Variants in CCAR2 observed in about 807,000 individuals in gnomAD.
CCAR2 encodes the protein cell cycle and apoptosis regulator 2.
Under a neutral mutation model 108.1 loss-of-function variants are expected in CCAR2, and 21 were observed. That is an observed-to-expected ratio of 0.19 (90% CI 0.14 to 0.28). The LOEUF is 0.28. CCAR2 is among the 10% of genes least tolerant of loss of function. CCAR2 has a pLI of 1.00. For synonymous variants in CCAR2, 577 were observed against 472.8 expected (o/e 1.22, Z -2.86); for missense variants, 1,126 against 1,177.0 (o/e 0.96, Z 0.63).
intron 7 of CCAR2, among the ~76,000 whole-genome samples, chr8:22,610,474 G>A (rs960653560): frequency 3.3e-5 from 5 of 152,226 alleles, no homozygotes; most frequent in East Asian, 1.9e-4. Flanking sequence ...TACAGGAAGC[G>A]GAGGAAAGTG....
chr8:22,615,066 G>T, intron 11 of CCAR2, 65 bp downstream of exon 11: 1 of 1,468,912 alleles, frequency 6.8e-7, no homozygotes, highest in Non-Finnish European at 9.0e-7. Context: ...TGTTGGGAAG[G>T]CCCGGTCCCT....
In CCAR2 at chr8:22,616,218, G is replaced by C; in HGVS notation, c.1815G>C (p.Glu605Asp). Residue 605 changes from glutamate to aspartate, a missense_variant, in exon 14 of 21, where the codon GAG becomes GAC. Physicochemically the swap from Glu to Asp is conservative, Grantham distance 45. Coordinates refer to ENST00000308511, the MANE Select transcript of CCAR2 (RefSeq NM_001393997.1). ...VKEPKDEAQN[E>D]GPATESEAPL... ...AGCCCAAGGATGAGGCACAGAATGA[G>C]GGCCCGGCTACAGAGTCAGAGGCCC... The C allele has an allele frequency of 6.2e-7, 1 of 1,613,302 alleles. No homozygotes were observed. The highest frequency in any genetic ancestry group is 8.5e-7 in the Non-Finnish European group (1 of 1,180,010).
chr8:22,606,297 C>A, intron 3 of CCAR2, 121 bp downstream of exon 3: 1 of 908,516 alleles, frequency 1.1e-6, no homozygotes, highest in Non-Finnish European at 1.8e-6. Flanking sequence ...TGGTAGTGGG[C>A]TAGTATGGGG....
chr8:22,617,138 C>T (rs1801553641), intron 14 of CCAR2, among the ~76,000 whole-genome samples: 1 of 151,790 alleles, frequency 6.6e-6, no homozygotes. Context: ...GTGTGAGCCA[C>T]CATGGCCAGC....
chr8:22,615,486 G>A lies in CCAR2; in HGVS notation c.1267G>A (p.Val423Met), dbSNP rs755104363. Reference sequence around the variant, plus strand: ...ACCCCCCCGGCGGCTTCAGACAGTGGTGGTGTACCTGCCGGATGTCTGGAC... The same window carrying A: ...ACCCCCCCGGCGGCTTCAGACAGTGATGGTGTACCTGCCGGATGTCTGGAC... ...PGPPRRLQTV[V>M]VYLPDVWTIM... The change falls in exon 12 of 21, where the codon GTG becomes ATG. Residue 423 changes from valine to methionine, a missense_variant. Physicochemically the swap from Val to Met is conservative, Grantham distance 21 (BLOSUM62 1). Around this residue, in one of 4 missense-constraint regions of CCAR2, gnomAD observed 1,013 missense variants for 993.9 expected, o/e 1.02. Coordinates refer to ENST00000308511, the MANE Select transcript of CCAR2 (RefSeq NM_001393997.1). 3.7e-6 allele frequency: 6 copies of A among 1,613,888 alleles called. No homozygotes were observed. Among genetic ancestry groups the A allele is most frequent in the South Asian group, 1.1e-5 (1 of 91,090 alleles).
rs1402016829 is a variant in CCAR2, at chr8:22,613,127, C to CT, written c.696dup (p.Val233CysfsTer7). On this transcript the variant is annotated frameshift_variant, in exon 8 of 21. Transcript: ENST00000308511. LOFTEE classifies it high-confidence loss of function. ...TACCGGGTCCACCTCACTCCTTACA[C>CT]TGTGGACAGGTGAGTGGCGAGGCTG... 1 of 1,601,662 alleles carries CT rather than the reference C, an allele frequency of 6.2e-7. No homozygotes were observed. The highest frequency in any genetic ancestry group is 8.5e-7 in the Non-Finnish European group (1 of 1,174,836).
chr8:22,618,939 G>C lies in CCAR2; in HGVS notation c.2445G>C (p.Leu815=). 1 of 1,613,730 alleles carries C rather than the reference G, an allele frequency of 6.2e-7. No homozygotes were observed. Among genetic ancestry groups the C allele is most frequent in the Non-Finnish European group, 8.5e-7 (1 of 1,180,050 alleles). The change falls in exon 19 of 21, where the codon CTG becomes CTC. Residue 815 remains leucine, a synonymous_variant. Transcript: ENST00000308511. Reference sequence around the variant, plus strand: ...GCAGCCTGATTAACGTGGGGAGCCTGCTGCAGCGCGCGGAGCAGCAGGACA... The same window carrying C: ...GCAGCCTGATTAACGTGGGGAGCCTCCTGCAGCGCGCGGAGCAGCAGGACA... ...HNGSLINVGS[L]LQRAEQQDSG... is the part of the protein sequence containing the mutation.
intron 11 of CCAR2, 136 bp from the exon 12 acceptor site, chr8:22,615,289 C>A: frequency 8.9e-7 from 1 of 1,127,260 alleles, no homozygotes; most frequent in Non-Finnish European, 1.3e-6. Context: ...TGTAGCTTTC[C>A]TGTTGTGTCT....
chr8:22,621,113 GC>G (rs1801785503), downstream of CCAR2: 1 of 320,332 alleles, frequency 3.1e-6, no homozygotes, highest in African/African-American at 2.1e-5. Flanking sequence ...AGCCAACGAA[GC>G]CCATGGCCTC....
intron 4 of CCAR2, 40 bp from the exon 5 acceptor site, chr8:22,606,870 T>C: frequency 6.2e-7 from 1 of 1,600,060 alleles, no homozygotes; most frequent in Non-Finnish European, 8.6e-7. Flanking sequence ...CTGGCCAGGG[T>C]CCCTCTTCTG....
At chr8:22,614,009 C>T (rs1182861920) in intron 8 of CCAR2, 83 bp from the exon 9 acceptor site, 4 of 1,325,882 alleles carry the variant, frequency 3.0e-6, no homozygotes, top group African/African-American at 2.9e-5. Context: ...AAAAAATTCG[C>T]CCATTTTTTC....
rs3830254 is a variant in CCAR2 at position 22,614,743 on chromosome 8, G to T, written c.1042-95G>T. On this transcript the variant is annotated intron_variant, in intron 10 of 20. Transcript: ENST00000308511. ...CTGTGTGGTGGACTTCCCCACTTCC[G>T]GCTGCCTTCATCCTGATGGGTGGCA... 1,954 of 872,602 alleles carry T rather than the reference G, an allele frequency of 2.2e-3. 2 individuals are homozygous for T. The highest frequency in any genetic ancestry group is 0.011 in the African/African-American group (459 of 41,148). The allele number at this position is 872,602 out of a possible 1,614,324, so 54.1% of individuals were successfully genotyped here.
chr8:22,619,982 A>G lies in CCAR2; in HGVS notation c.*300A>G. On this transcript the variant is annotated 3_prime_UTR_variant, in exon 21 of 21. Transcript: ENST00000308511. ...CTGGGGCCCTTTTAGTCTTGTGCTG[A>G]CTTTCTCCTGTCCTCTTCCAGTTTA... 2.2e-6 allele frequency: 1 copy of G among 448,450 alleles called. No homozygotes were observed. The highest frequency in any genetic ancestry group is 4.1e-6 in the Non-Finnish European group (1 of 244,494). 27.8% of individuals were successfully genotyped at this position (448,450 alleles called of 1,614,324 possible).
rs775186293 is a variant in CCAR2, at chr8:22,613,007, C to T, written c.585-10C>T. ...TGGTTTCTTACTGTTGGTGATGGGT[C>T]AACCTCTAGTGATGACTATGACTCC... On this transcript the variant is annotated splice_polypyrimidine_tract_variant and intron_variant, in intron 7 of 20. Transcript: ENST00000308511. 1.9e-6 allele frequency: 3 copies of T among 1,610,698 alleles called. No individual in the cohort carries two copies. Among genetic ancestry groups the T allele is most frequent in the Non-Finnish European group, 2.5e-6 (3 of 1,178,760 alleles).
rs546658487 is a variant in CCAR2 at position 22,606,237 on chromosome 8, G to C, written c.150+61G>C. On this transcript the variant is annotated intron_variant, in intron 3 of 20. Transcript: ENST00000308511. Reference sequence around the variant, plus strand: ...TTGGGACTGAATGCATGGAGGCCTGGTGCTCTTTTTCTCTTACATAATAGT... The same window carrying C: ...TTGGGACTGAATGCATGGAGGCCTGCTGCTCTTTTTCTCTTACATAATAGT... 10 of 1,314,148 alleles carry C rather than the reference G, an allele frequency of 7.6e-6. No homozygotes were observed. The Admixed American group carries it at 1.4e-4, about 18-fold the overall frequency. The allele number at this position is 1,314,148 out of a possible 1,614,324, so 81.4% of individuals were successfully genotyped here.
rs201975249 is a variant in CCAR2, at chr8:22,604,834, G to A, written c.-47G>A. The stretch of plus-strand genomic sequence containing the variant: ...TTTGTCCCCCCGGTGTCGCTGCCCT[G>A]GCCCGCAGGTGGGTTGGGGGGCCCC... On this transcript the variant is annotated 5_prime_UTR_variant, in exon 1 of 21. Transcript: ENST00000308511. 33 of 454,348 alleles carry A rather than the reference G, an allele frequency of 7.3e-5. No homozygotes were observed. Among genetic ancestry groups the A allele is most frequent in the African/African-American group, 5.4e-4 (27 of 49,998 alleles). 28.1% of individuals were successfully genotyped at this position (454,348 alleles called of 1,614,324 possible).
rs563731955 is a variant in CCAR2, at chr8:22,619,470, C to T, written c.2727+115C>T. ...CCAGAGGGCCAGCAGGCACCGGCTT[C>T]GTCTTTCCATCGCTTGCCAGGCAGT... On this transcript the variant is annotated intron_variant, in intron 20 of 20. Transcript: ENST00000308511. 6.0e-5 allele frequency: 86 copies of T among 1,424,428 alleles called. No individual in the cohort carries two copies. In the East Asian group the frequency reaches 1.8e-3, roughly 30 times the overall value. The allele number at this position is 1,424,428 out of a possible 1,614,324, so 88.2% of individuals were successfully genotyped here. A position where few individuals can be genotyped will look rare whatever the true frequency, so the allele number is the denominator to read the frequency against.
intron 11 of CCAR2, 119 bp downstream of exon 11, chr8:22,615,120 T>G: frequency 7.6e-7 from 1 of 1,322,394 alleles, no homozygotes; most frequent in Non-Finnish European, 1.0e-6. Context: ...GTCCCGTTCC[T>G]TCCCCCTCTG....
intron 5 of CCAR2, 77 bp from the exon 6 acceptor site, chr8:22,607,119 G>T (rs1801107479): frequency 1.2e-6 from 2 of 1,608,572 alleles, no homozygotes; most frequent in Non-Finnish European, 1.7e-6. Context: ...TTGTCAGGGG[G>T]GTGGGACTGC....
Sources: gnomAD v4.1 joint callset for allele counts (sites outside exome capture counted in the v4.1 genomes callset) on GRCh38, gnomAD v4.1.1 for gene constraint, gnomAD v4.1.1 regional missense constraint, MANE v1.5 for transcripts, NCBI Gene and HGNC (gene_info 2026-07-23, HGNC 2026-07-21) for gene names.